Variants in ST6GALNAC3 observed in about 807,000 individuals in gnomAD.
ST6GALNAC3 encodes alpha-N-acetylgalactosaminide alpha-2,6-sialyltransferase 3.
ST6GALNAC3 carries 25 observed loss-of-function variants against 32.7 expected under a neutral mutation model. The ratio of observed to expected loss-of-function variants is 0.76; its 90% confidence interval spans 0.56 to 1.07. The LOEUF is 1.07. Among genes scored for constraint, ST6GALNAC3 ranks in the 50% least tolerant of loss-of-function variants. ST6GALNAC3 has a pLI of 0.00. For synonymous variants in ST6GALNAC3, 129 were observed against 133.1 expected, an observed-to-expected ratio of 0.97 and a Z score of 0.21; for missense variants, 355 against 382.4, an observed-to-expected ratio of 0.93 and a Z score of 0.60.
intron 2 of ST6GALNAC3, among the ~76,000 whole-genome samples, chr1:76,377,449 T>A (rs981106012): frequency 2.0e-5 from 2 of 101,726 alleles, no homozygotes; most frequent in African/African-American, 7.6e-5. Context: ...AGCAAGCACA[T>A]CTTCACAGGG....
chr1:76,435,578 A>G (rs1325175620), intron 3 of ST6GALNAC3, among the ~76,000 whole-genome samples: 5 of 152,230 alleles, frequency 3.3e-5, no homozygotes, highest in African/African-American at 9.6e-5. Flanking sequence ...GACATGCATT[A>G]TGCTGAGACC....
At chr1:76,407,669 G>C (rs2101262917) in intron 2 of ST6GALNAC3, among the ~76,000 whole-genome samples, 1 of 151,464 alleles carries the variant, frequency 6.6e-6, no homozygotes, top group South Asian at 2.1e-4. Flanking sequence ...AAGAAGACAA[G>C]TTTGTTTTTA....
intron 1 of ST6GALNAC3, among the ~76,000 whole-genome samples, chr1:76,133,087 G>C (rs1245962555): frequency 2.0e-5 from 3 of 152,114 alleles, no homozygotes; most frequent in African/African-American, 7.2e-5. Flanking sequence ...AGGGGGATGG[G>C]TTGTCAACTT....
At chr1:76,394,920 T>C (rs1436271182) in intron 2 of ST6GALNAC3, among the ~76,000 whole-genome samples, 2 of 152,156 alleles carry the variant, frequency 1.3e-5, no homozygotes, top group Admixed American at 6.6e-5. Context: ...TCTGTATGAG[T>C]GTTTTTGTCT....
intron 1 of ST6GALNAC3, among the ~76,000 whole-genome samples, chr1:76,302,465 T>G (rs1660783111): frequency 6.6e-6 from 1 of 152,024 alleles, no homozygotes; most frequent in Non-Finnish European, 1.5e-5. Context: ...AATAGCTGTT[T>G]GGTGTTTCAG....
At chr1:76,266,717 A>G (rs1349171345) in intron 1 of ST6GALNAC3, among the ~76,000 whole-genome samples, 2 of 151,902 alleles carry the variant, frequency 1.3e-5, no homozygotes, top group African/African-American at 4.8e-5. Context: ...TCCACTTGCC[A>G]CCCTTTCTGT....
At chr1:76,119,572 G>T (rs550229659) in intron 1 of ST6GALNAC3, among the ~76,000 whole-genome samples, 25 of 152,134 alleles carry the variant, frequency 1.6e-4, no homozygotes, top group Non-Finnish European at 3.1e-4. Context: ...GTAATAAAAG[G>T]CACCATCAAA....
intron 3 of ST6GALNAC3, among the ~76,000 whole-genome samples, chr1:76,487,529 G>A (rs1660202793): frequency 1.3e-5 from 2 of 152,158 alleles, no homozygotes; most frequent in African/African-American, 4.8e-5. Flanking sequence ...GGCTACTGAA[G>A]CTTGTGCATT....
chr1:76,222,485 A>G (rs1655829687), intron 1 of ST6GALNAC3, among the ~76,000 whole-genome samples: 1 of 152,160 alleles, frequency 6.6e-6, no homozygotes, highest in Admixed American at 6.6e-5. Flanking sequence ...GGGAGATAAT[A>G]TTTACAAACC....
At chr1:76,265,079 C>T (rs1241606208) in intron 1 of ST6GALNAC3, among the ~76,000 whole-genome samples, 1 of 152,044 alleles carries the variant, frequency 6.6e-6, no homozygotes, top group Non-Finnish European at 1.5e-5. Flanking sequence ...CACAATAAAA[C>T]TCAAGGTCAT....
At chr1:76,475,147 A>C in intron 3 of ST6GALNAC3, among the ~76,000 whole-genome samples, 1 of 152,124 alleles carries the variant, frequency 6.6e-6, no homozygotes, top group African/African-American at 2.4e-5. Flanking sequence ...CCACTCACCA[A>C]GTTGTGCAAT....
chr1:76,480,010 T>C (rs547406623), intron 3 of ST6GALNAC3, among the ~76,000 whole-genome samples: 8 of 152,338 alleles, frequency 5.3e-5, no homozygotes, highest in African/African-American at 1.9e-4. Flanking sequence ...CTATAGCTAC[T>C]GGTTGATAAA....
intron 3 of ST6GALNAC3, among the ~76,000 whole-genome samples, chr1:76,598,520 A>G (rs1171292749): frequency 1.3e-5 from 2 of 152,196 alleles, no homozygotes; most frequent in Admixed American, 1.3e-4. Context: ...ACTGATTTCG[A>G]TCTCTTGGGA....
intron 3 of ST6GALNAC3, among the ~76,000 whole-genome samples, chr1:76,489,139 A>G (rs1234636971): frequency 1.3e-5 from 2 of 152,206 alleles, no homozygotes; most frequent in Non-Finnish European, 2.9e-5. Flanking sequence ...AAATTAATGA[A>G]TGAATGCATG....
At chr1:76,309,991 T>C (rs374628937) in intron 1 of ST6GALNAC3, 2 of 499,978 alleles carry the variant, frequency 4.0e-6, no homozygotes, top group Admixed American at 4.1e-5. Context: ...TACGTATGTG[T>C]TGCTGCACAC....
intron 2 of ST6GALNAC3, among the ~76,000 whole-genome samples, chr1:76,380,927 T>G (rs12084205): frequency 0.081 from 12,393 of 152,202 alleles, 1,297 homozygotes; most frequent in African/African-American, 0.25. Flanking sequence ...TTAAGGACTA[T>G]TTCATTTTAA....
intron 2 of ST6GALNAC3, among the ~76,000 whole-genome samples, chr1:76,323,221 G>A (rs1026935959): frequency 2.0e-4 from 30 of 151,902 alleles, no homozygotes; most frequent in Admixed American, 1.0e-3. Flanking sequence ...TAAAATACAT[G>A]GGAAGCAAAG....
At chr1:76,210,505 C>CT (rs2100571111) in intron 1 of ST6GALNAC3, among the ~76,000 whole-genome samples, 1 of 152,250 alleles carries the variant, frequency 6.6e-6, no homozygotes, top group South Asian at 2.1e-4. Flanking sequence ...TAATATGATT[C>CT]TTTTTGTATC....
chr1:76,217,241 A>G (rs1243659396), intron 1 of ST6GALNAC3, among the ~76,000 whole-genome samples: 2 of 152,200 alleles, frequency 1.3e-5, no homozygotes, highest in Non-Finnish European at 2.9e-5. Flanking sequence ...GTTTTTCTTG[A>G]GAAGAGGAAA....
Sources: allele counts gnomAD v4.1 joint callset (sites outside exome capture counted in the v4.1 genomes callset), GRCh38; gene constraint gnomAD v4.1.1; transcripts MANE v1.5; gene names NCBI Gene and HGNC (gene_info 2026-07-23, HGNC 2026-07-21).